TMC6: variants seen among roughly 807,000 people sequenced by gnomAD.
TMC6 encodes transmembrane channel like 6.
A neutral mutation model predicts 95.4 loss-of-function variants in TMC6; 71 were observed. That is an observed-to-expected ratio of 0.74 (90% CI 0.61 to 0.91). The LOEUF is 0.91. TMC6 is among the 40% of genes least tolerant of loss of function. TMC6 has a pLI of 0.00. For missense variants in TMC6, 1,074 were observed against 1,079.1 expected (o/e 1.00, Z 0.07); for synonymous variants, 514 against 483.1 (o/e 1.06, Z -0.84).
In TMC6 at chr17:78,126,305, G is replaced by A. The variant is rs777740333; in HGVS notation, c.243C>T (p.Ile81=). 10 of 1,566,306 alleles carry A rather than the reference G, an allele frequency of 6.4e-6. No individual in the cohort carries two copies. Among genetic ancestry groups the A allele is most frequent in the Admixed American group, 1.9e-5 (1 of 53,994 alleles). ...TGGTGCGGCTGGGCATGCTGGCCAG[G>A]ATGCGGAGTGTGGCCGTGCTCTGGG... ...EGTQSTATLR[I]LASMPSRTIG... is the part of the protein sequence containing the mutation. The change falls in exon 4 of 20, where the codon ATC becomes ATT. Residue 81 remains isoleucine, a synonymous_variant. Transcript: ENST00000590602.
At position 78,128,145 on chromosome 17, in the gene TMC6, T is replaced by C. The variant is rs2074828321; in HGVS notation, c.-75+467A>G. 6.6e-6 allele frequency among the ~76,000 whole-genome samples: 1 copy of C among 151,996 alleles called. No individual in the cohort carries two copies. Among genetic ancestry groups the C allele is most frequent in the African/African-American group, 2.4e-5 (1 of 41,366 alleles). On this transcript the variant is annotated intron_variant, in intron 1 of 19. Transcript: ENST00000590602. This position sits in a 1 kb window ranked among gnomAD's most constrained non-coding sequence, Gnocchi z 4.0. ...CCAGGCGCACCATTCCTGAGCTAGG[T>C]GGGGAGAGGCTGGGTGGCGCCCGTT...
rs761770241 is a variant in TMC6, at chr17:78,124,902, T to G, written c.620A>C (p.Tyr207Ser). ...GVCSCCGRLR[Y>S]ACVLALHSLG... ...AGGGGCCCATACCAGCACGCAGGCATATCTGAGCCGGCCACAGCAGGAGCA... is the reference window on the plus strand; with the variant it reads ...AGGGGCCCATACCAGCACGCAGGCAGATCTGAGCCGGCCACAGCAGGAGCA... The change falls in exon 7 of 20, where the codon TAT becomes TCT. Residue 207 changes from tyrosine to serine, a missense_variant. Physicochemically the swap from Tyr to Ser is moderately radical, Grantham distance 144. Coordinates refer to ENST00000590602, the MANE Select transcript of TMC6 (RefSeq NM_001127198.5). 6.3e-7 allele frequency: 1 copy of G among 1,597,348 alleles called. No individual in the cohort carries two copies. The highest frequency in any genetic ancestry group is 1.3e-5 in the African/African-American group (1 of 74,720).
chr17:78,116,922 C>T (rs1367351862), intron 18 of TMC6, among the ~76,000 whole-genome samples: 1 of 152,200 alleles, frequency 6.6e-6, no homozygotes, highest in Non-Finnish European at 1.5e-5. Flanking sequence ...CCTTAATCCA[C>T]CTGTTTGTAA....
At chr17:78,124,480 A>C (rs1411938847) in intron 8 of TMC6, 44 bp downstream of exon 8, 1 of 1,600,468 alleles carries the variant, frequency 6.2e-7, no homozygotes, top group South Asian at 1.1e-5. Context: ...CCAGGGTAGC[A>C]GAAGACAGGC....
In TMC6 at chr17:78,128,053, C is replaced by T. The variant is rs1358044011; in HGVS notation, c.-75+559G>A. Among the ~76,000 whole-genome samples, 1 of 152,222 alleles carries T rather than the reference C, an allele frequency of 6.6e-6. No homozygotes were observed. The highest frequency in any genetic ancestry group is 1.5e-5 in the Non-Finnish European group (1 of 68,028). ...GACAGGCCCTTCTAAGCTCAGGGAA[C>T]CCGGGGACTCGGGCACCCAGCGCCC... On this transcript the variant is annotated intron_variant, in intron 1 of 19. Transcript: ENST00000590602. This position sits in a 1 kb window ranked among gnomAD's most constrained non-coding sequence, Gnocchi z 4.0.
At chr17:78,131,720 G>A (rs1035585680), upstream of TMC6, 3 of 1,584,856 alleles carry the variant, frequency 1.9e-6, no homozygotes, top group African/African-American at 2.7e-5. Flanking sequence ...ATGCCATGAT[G>A]GACAAGCGCC....
At chr17:78,132,152 T>C (rs535830812), upstream of TMC6, 5 of 1,450,046 alleles carry the variant, frequency 3.4e-6, no homozygotes, top group Admixed American at 2.0e-5. Flanking sequence ...AATCGGCCCC[T>C]CCCCCCTCCC....
At position 78,121,031 on chromosome 17, in the gene TMC6, A is replaced by G; in HGVS notation, c.1517T>C (p.Val506Ala). The change falls in exon 12 of 20, where the codon GTG becomes GCG. Residue 506 changes from valine to alanine, a missense_variant. Transcript: ENST00000590602. The surrounding 1 kb of genome is among the most constrained non-coding windows in gnomAD (Gnocchi z 5.6). ...LEPHDSPVLE[V>A]YVAICRNLIL... is the part of the protein sequence containing the mutation. ...CACACACCTGCAGATGGCCACGTAC[A>G]CCTCCAGTACCGGGGAGTCATGCGG... is the stretch of plus-strand genomic sequence containing the variant. The G allele has an allele frequency of 6.2e-7, 1 of 1,613,222 alleles. No individual in the cohort carries two copies. Among genetic ancestry groups the G allele is most frequent in the Non-Finnish European group, 8.5e-7 (1 of 1,179,992 alleles).
At position 78,113,582 on chromosome 17, in the gene TMC6, T is replaced by C. The variant is rs1314707282; in HGVS notation, c.2320A>G (p.Ile774Val). 2.5e-6 allele frequency: 4 copies of C among 1,613,836 alleles called. No individual in the cohort carries two copies. Among genetic ancestry groups the C allele is most frequent in the Non-Finnish European group, 3.4e-6 (4 of 1,180,010 alleles). The change falls in exon 19 of 20, where the codon ATC (isoleucine) becomes GTC (valine). Residue 774 changes from isoleucine to valine, a missense_variant. Ile to Val is a conservative substitution (Grantham distance 29, BLOSUM62 3). Coordinates refer to ENST00000590602, the MANE Select transcript of TMC6 (RefSeq NM_001127198.5). ...KIFLINKLHS[I>V]YERKEREERS... ...TCCTCCCTCTCCTTCCTCTCGTAGA[T>C]GGAGTGAAGCTTGTTGATTAAGAAG...
Position 78,126,871 on chromosome 17 carries a change from A to AG in TMC6, c.-40dup. Reference sequence around the variant, plus strand: ...GCCCGCTAGTCTGCAGACCTAGGGTAGCTCAGAGCCTGGGCGCCACCTCCG... The same window carrying AG: ...GCCCGCTAGTCTGCAGACCTAGGGTAGGCTCAGAGCCTGGGCGCCACCTCCG... On this transcript the variant is annotated 5_prime_UTR_variant, in exon 2 of 20. Coordinates refer to ENST00000590602, the MANE Select transcript of TMC6 (RefSeq NM_001127198.5). 6.2e-7 allele frequency: 1 copy of AG among 1,607,186 alleles called. No individual in the cohort carries two copies. The highest frequency in any genetic ancestry group is 8.5e-7 in the Non-Finnish European group (1 of 1,177,956).
chr17:78,114,913 C>T (rs138513052), intron 18 of TMC6, among the ~76,000 whole-genome samples: 42 of 151,294 alleles, frequency 2.8e-4, no homozygotes, highest in African/African-American at 3.9e-4. Flanking sequence ...CCCAGAGCAA[C>T]GGTGGGTAGA....
Position 78,124,934 on chromosome 17 carries a change from G to A in TMC6, c.588C>T (p.Gly196=), listed in dbSNP as rs754156105. 1.0e-5 allele frequency: 16 copies of A among 1,601,682 alleles called. No homozygotes were observed. The highest frequency in any genetic ancestry group is 8.5e-5 in the Admixed American group (5 of 58,954). Residue 196 remains glycine (G), a synonymous_variant, in exon 7 of 20, where the codon GGC becomes GGT. Transcript: ENST00000590602. ...GCCGGCCACAGCAGGAGCAGACCCC[G>A]CCGCTGCCCGGCTGGCCCCTCCACT... ...RGKWRGQPGS[G]GVCSCCGRLR...
At chr17:78,131,913 T>C, upstream of TMC6, 1 of 1,495,268 alleles carries the variant, frequency 6.7e-7, no homozygotes, top group Non-Finnish European at 8.9e-7. Flanking sequence ...GGTGCAGACC[T>C]TGCGCTGGCA....
In TMC6 at chr17:78,107,829, G is replaced by GTCC. The variant is rs1411087734; in HGVS notation, c.*5316_*5318dup. ...GGAGTGCCACTCACTTTTGCCTAGG[G>GTCC]TCCAGTTGGGGCTTAAAAAATATTT... On this transcript the variant is annotated 3_prime_UTR_variant, in exon 20 of 20. Transcript: ENST00000590602. 1 of 152,356 alleles carries GTCC rather than the reference G, an allele frequency of 6.6e-6. No homozygotes were observed. Among genetic ancestry groups the GTCC allele is most frequent in the East Asian group, 1.9e-4 (1 of 5,194 alleles). The allele number at this position is 152,356 out of a possible 1,614,324, so 9.4% of individuals were successfully genotyped here. A position where few individuals can be genotyped will look rare whatever the true frequency, so the allele number is the denominator to read the frequency against.
Position 78,109,271 on chromosome 17 carries a change from A to T in TMC6, c.*3877T>A. 1 of 356,514 alleles carries T rather than the reference A, an allele frequency of 2.8e-6. No homozygotes were observed. Among genetic ancestry groups the T allele is most frequent in the Non-Finnish European group, 5.6e-6 (1 of 178,382 alleles). The allele number at this position is 356,514 out of a possible 1,614,324, so 22.1% of individuals were successfully genotyped here. A position where few individuals can be genotyped will look rare whatever the true frequency, so the allele number is the denominator to read the frequency against. The stretch of plus-strand genomic sequence containing the variant: ...GAGGCATCATGGCGAGCCCCGACTG[A>T]GTGTTCAGTGAAGAGGGAAAACAGA... On this transcript the variant is annotated 3_prime_UTR_variant, in exon 20 of 20. Transcript: ENST00000590602.
chr17:78,113,703 G>T, intron 18 of TMC6, 79 bp from the exon 19 acceptor site: 1 of 1,459,068 alleles, frequency 6.9e-7, no homozygotes, highest in Non-Finnish European at 9.5e-7. Context: ...AACTGCATTT[G>T]AGGGAAAACT....
At chr17:78,119,075 G>A in intron 14 of TMC6, 29 bp from the exon 15 acceptor site, 1 of 1,556,618 alleles carries the variant, frequency 6.4e-7, no homozygotes, top group Admixed American at 1.9e-5. Context: ...TTCAGGGGCT[G>A]CTCCAGTGCC....
At chr17:78,131,706 C>A (rs374017520), upstream of TMC6, 1 of 1,582,882 alleles carries the variant, frequency 6.3e-7, no homozygotes, top group South Asian at 1.2e-5. Context: ...GCGCGGGCTG[C>A]CCTATGCCAT....
At chr17:78,129,356 G>A (rs2074900393), upstream of TMC6, among the ~76,000 whole-genome samples, 2 of 152,174 alleles carry the variant, frequency 1.3e-5, no homozygotes, top group Non-Finnish European at 2.9e-5. The surrounding 1 kb of genome is among the most constrained non-coding windows in gnomAD (Gnocchi z 4.3). Flanking sequence ...TTCCCCATGA[G>A]CCAGGAAGGT....
Sources: allele counts gnomAD v4.1 joint callset (sites outside exome capture counted in the v4.1 genomes callset), GRCh38; gene constraint gnomAD v4.1.1; non-coding constraint Gnocchi (gnomAD v3.1); transcripts MANE v1.5; gene names NCBI Gene and HGNC (gene_info 2026-07-23, HGNC 2026-07-21).